PDCD10: variants seen among roughly 807,000 people sequenced by gnomAD.
The protein encoded by PDCD10 is programmed cell death protein 10.
In PDCD10, 4 loss-of-function variants were observed where a neutral mutation model predicts 29.2. The ratio of observed to expected loss-of-function variants is 0.14; its 90% CI spans 0.07 to 0.31. PDCD10 has a LOEUF of 0.31. Ranked by LOEUF, PDCD10 falls within the 10% of genes least tolerant of loss-of-function variation. PDCD10 has a pLI of 1.00. For missense variants in PDCD10, 183 were observed against 257.9 expected (o/e 0.71, Z 1.99); for synonymous variants, 70 against 82.2 (o/e 0.85, Z 0.80).
At chr3:167,686,777 T>G (rs1277229610) in intron 8 of PDCD10, among the ~76,000 whole-genome samples, 4 of 152,210 alleles carry the variant, frequency 2.6e-5, no homozygotes, top group Non-Finnish European at 5.9e-5. Context: ...GTGTATAAAG[T>G]AGGCCAATGA....
chr3:167,702,345 A>G (rs1721528658), intron 4 of PDCD10, among the ~76,000 whole-genome samples: 1 of 152,042 alleles, frequency 6.6e-6, no homozygotes, highest in Admixed American at 6.6e-5. Flanking sequence ...CAACTTAATG[A>G]ATAATAAATA....
At chr3:167,697,574 A>C (rs1279628681) in intron 4 of PDCD10, among the ~76,000 whole-genome samples, 1 of 152,172 alleles carries the variant, frequency 6.6e-6, no homozygotes, top group Non-Finnish European at 1.5e-5. Context: ...ATTTATATTA[A>C]GAGAATGCCA....
chr3:167,702,389 C>T (rs1269889707), intron 4 of PDCD10, among the ~76,000 whole-genome samples: 1 of 152,102 alleles, frequency 6.6e-6, no homozygotes, highest in African/African-American at 2.4e-5. Flanking sequence ...ATAACACTTT[C>T]TTTTCTGTGA....
chr3:167,721,603 G>A (rs2108488054), intron 2 of PDCD10, among the ~76,000 whole-genome samples: 1 of 152,278 alleles, frequency 6.6e-6, no homozygotes, highest in Middle Eastern at 3.4e-3. Context: ...CCAATAACCT[G>A]TTCCATTGGA....
chr3:167,695,990 A>C (rs1291712436), intron 5 of PDCD10, among the ~76,000 whole-genome samples: 254 of 129,212 alleles, frequency 2.0e-3, no homozygotes, highest in African/African-American at 8.8e-3. Context: ...TTAAAAAAAA[A>C]AAACACACAA....
At chr3:167,686,846 C>T (rs1465609239) in intron 8 of PDCD10, among the ~76,000 whole-genome samples, 1 of 152,104 alleles carries the variant, frequency 6.6e-6, no homozygotes, top group Non-Finnish European at 1.5e-5. Flanking sequence ...TATTATATGA[C>T]AGGTAAAAAT....
chr3:167,700,221 C>A (rs1229861195), intron 4 of PDCD10, among the ~76,000 whole-genome samples: 4 of 152,140 alleles, frequency 2.6e-5, no homozygotes, highest in African/African-American at 9.7e-5. Flanking sequence ...GATTAAAACG[C>A]CATGTGACTC....
chr3:167,685,875 A>G (rs1719565590), intron 8 of PDCD10, among the ~76,000 whole-genome samples: 2 of 152,236 alleles, frequency 1.3e-5, no homozygotes, highest in African/African-American at 4.8e-5. Flanking sequence ...CTGTGTATGG[A>G]ACACCACCAC....
chr3:167,729,928 C>T (rs1724624686), intron 2 of PDCD10, among the ~76,000 whole-genome samples: 1 of 152,086 alleles, frequency 6.6e-6, no homozygotes, highest in Non-Finnish European at 1.5e-5. Context: ...ACCCTATAGG[C>T]AACCTGGATT....
Position 167,704,749 on chromosome 3 carries a change from C to T in PDCD10, c.150+93G>A, listed in dbSNP as rs116154329. 19,256 of 880,840 alleles carry T rather than the reference C, an allele frequency of 0.022. 345 individuals are homozygous for T. Among genetic ancestry groups the T allele is most frequent in the Non-Finnish European group, 0.023 (12,122 of 524,538 alleles). 54.6% of individuals were successfully genotyped at this position (880,840 alleles called of 1,614,324 possible). The stretch of plus-strand genomic sequence containing the variant: ...GGCATAAGATGGCTAAAAAGGCTTT[C>T]CCTTAAAGAAAATAAACTGGCAACC... On this transcript the variant is annotated intron_variant, in intron 4 of 8. Transcript: ENST00000392750.
chr3:167,732,728 GAC>G (rs1724945982), intron 2 of PDCD10, among the ~76,000 whole-genome samples: 2 of 152,156 alleles, frequency 1.3e-5, no homozygotes, highest in Non-Finnish European at 2.9e-5. Context: ...TTTCCATAAT[GAC>G]AGAGTTACAT....
chr3:167,720,944 A>C (rs1423256418), intron 2 of PDCD10, among the ~76,000 whole-genome samples: 2 of 144,144 alleles, frequency 1.4e-5, no homozygotes, highest in Non-Finnish European at 3.0e-5. Context: ...TCTGACATAA[A>C]AAGTGAGAAA....
At chr3:167,712,106 C>T (rs1722580480) in intron 3 of PDCD10, among the ~76,000 whole-genome samples, 1 of 152,066 alleles carries the variant, frequency 6.6e-6, no homozygotes, top group African/African-American at 2.4e-5. Flanking sequence ...CACAGAAACA[C>T]ACAGAATATT....
In PDCD10 at chr3:167,683,720, C is replaced by CT; in HGVS notation, c.*587dup. 1 of 151,740 alleles carries CT rather than the reference C, an allele frequency of 6.6e-6. No individual in the cohort carries two copies. 9.4% of individuals were successfully genotyped at this position (151,740 alleles called of 1,614,324 possible). On this transcript the variant is annotated 3_prime_UTR_variant, in exon 9 of 9. Coordinates refer to ENST00000392750, the MANE Select transcript of PDCD10 (RefSeq NM_007217.4). ...AACAAAAATATTTCCATTGACTACT[C>CT]TGTGTCCAAAGTGATTAAGGACAAA...
chr3:167,694,912 G>GC (rs1720645071), intron 6 of PDCD10, among the ~76,000 whole-genome samples: 1 of 152,222 alleles, frequency 6.6e-6, no homozygotes, highest in South Asian at 2.1e-4. Context: ...TAGTGACACT[G>GC]CAAGTATTCC....
chr3:167,708,040 T>C (rs963186259), intron 3 of PDCD10, among the ~76,000 whole-genome samples: 4 of 152,228 alleles, frequency 2.6e-5, no homozygotes, highest in African/African-American at 9.6e-5. Flanking sequence ...CCATTCTGCC[T>C]ACTGTTTTGT....
intron 6 of PDCD10, among the ~76,000 whole-genome samples, chr3:167,688,498 A>C (rs1028719809): frequency 4.6e-5 from 7 of 152,146 alleles, no homozygotes; most frequent in Non-Finnish European, 1.0e-4. Flanking sequence ...ATTTGAGTTG[A>C]CTGTTCTTCC....
In PDCD10 at chr3:167,727,539, TTTAA is replaced by T. The variant is rs561857937; in HGVS notation, c.-117+6671_-117+6674del. Among the ~76,000 whole-genome samples the T allele has an allele frequency of 3.7e-3, 563 of 152,322 alleles. 5 individuals are homozygous for T. The highest frequency in any genetic ancestry group is 0.012 in the African/African-American group (507 of 41,568). The stretch of plus-strand genomic sequence containing the variant: ...TGCCTAGTTGAATAGTTGTTTGGTG[TTTAA>T]TTGAGGTACATGTCTATTTTCCTTT... On this transcript the variant is annotated intron_variant, in intron 2 of 8. Transcript: ENST00000392750.
chr3:167,721,337 C>A (rs1340498620), intron 2 of PDCD10, among the ~76,000 whole-genome samples: 1 of 152,034 alleles, frequency 6.6e-6, no homozygotes, highest in Non-Finnish European at 1.5e-5. Context: ...AAGACTTGAT[C>A]CCAGGACTCT....
Sources: gnomAD v4.1 joint callset for allele counts (sites outside exome capture counted in the v4.1 genomes callset) on GRCh38, gnomAD v4.1.1 for gene constraint, MANE v1.5 for transcripts, NCBI Gene and HGNC (gene_info 2026-07-23, HGNC 2026-07-21) for gene names.